Variants in TIMP3 observed in about 807,000 individuals in gnomAD.
TIMP3 encodes the protein TIMP metallopeptidase inhibitor 3, also known as metalloproteinase inhibitor 3.
A neutral mutation model predicts 30.0 loss-of-function variants in TIMP3; 11 were observed. The ratio of observed to expected loss-of-function variants is 0.37; its 90% CI spans 0.23 to 0.61. The LOEUF (loss-of-function observed/expected upper bound fraction) is 0.61, where lower values mean the gene tolerates loss of function less well. TIMP3 is among the 20% of genes least tolerant of loss of function. TIMP3 has a pLI of 0.70. For synonymous variants in TIMP3, 112 were observed against 111.3 expected, an observed-to-expected ratio of 1.01 and a Z score of -0.04; for missense variants, 181 against 276.8, an observed-to-expected ratio of 0.65 and a Z score of 2.45.
chr22:32,855,231 C>T (rs1049852754), intron 2 of TIMP3, among the ~76,000 whole-genome samples: 2 of 152,186 alleles, frequency 1.3e-5, no homozygotes, highest in African/African-American at 2.4e-5. Flanking sequence ...TTCACAGTAT[C>T]GCCTTGGCAC....
In TIMP3 at chr22:32,859,196, A is replaced by C; in HGVS notation, c.455A>C (p.Tyr152Ser). Residue 152 changes from tyrosine (Y) to serine (S), a missense_variant, in exon 5 of 5, where the codon TAC (tyrosine) becomes TCC (serine). Tyr to Ser is a moderately radical substitution (Grantham distance 144). Around this residue, in one of 3 missense-constraint regions of TIMP3, gnomAD observed 63 missense variants for 133.3 expected, o/e 0.47. Coordinates refer to ENST00000266085, the MANE Select transcript of TIMP3 (RefSeq NM_000362.5). ...TAATTGCAGATCAAGTCCTGCTACT[A>C]CCTGCCTTGCTTTGTGACTTCCAAG... ...GCNCKIKSCY[Y>S]LPCFVTSKNE... is the part of the protein sequence containing the mutation. The C allele has an allele frequency of 6.2e-7, 1 of 1,614,128 alleles. No individual in the cohort carries two copies. The highest frequency in any genetic ancestry group is 8.5e-7 in the Non-Finnish European group (1 of 1,180,016).
chr22:32,802,017 G>C lies in TIMP3; in HGVS notation c.16G>C (p.Gly6Arg). MTPWL[G>R]LIVLLGSWSL... Reference sequence around the variant, plus strand: ...AGCAGCGGCAATGACCCCTTGGCTCGGGCTCATCGTGCTCCTGGGCAGCTG... The same window carrying C: ...AGCAGCGGCAATGACCCCTTGGCTCCGGCTCATCGTGCTCCTGGGCAGCTG... The change falls in exon 1 of 5, where the codon GGG (glycine) becomes CGG (arginine). Residue 6 changes from glycine (G) to arginine (R), a missense_variant. Coordinates refer to ENST00000266085, the MANE Select transcript of TIMP3 (RefSeq NM_000362.5). 1 of 1,578,120 alleles carries C rather than the reference G, an allele frequency of 6.3e-7. No individual in the cohort carries two copies. The highest frequency in any genetic ancestry group is 8.6e-7 in the Non-Finnish European group (1 of 1,167,666).
chr22:32,823,332 A>G (rs1157673416), intron 1 of TIMP3, among the ~76,000 whole-genome samples: 1 of 152,172 alleles, frequency 6.6e-6, no homozygotes, highest in African/African-American at 2.4e-5. Flanking sequence ...GGGACCTGCC[A>G]CAGAGAATGC....
intron 2 of TIMP3, among the ~76,000 whole-genome samples, chr22:32,853,389 A>C (rs1302765401): frequency 6.6e-6 from 1 of 152,254 alleles, no homozygotes; most frequent in Non-Finnish European, 1.5e-5. Flanking sequence ...AACAGTGTTG[A>C]TCTTTGGTAG....
intron 1 of TIMP3, among the ~76,000 whole-genome samples, chr22:32,809,969 CCATGCCTGGGATA>C (rs2092644771): frequency 3.3e-5 from 5 of 152,208 alleles, no homozygotes; most frequent in Admixed American, 3.3e-4. Flanking sequence ...AGTGCTGCCA[CCATGCCTGGGATA>C]GACAGCAGGT....
In TIMP3 at chr22:32,859,250, C is replaced by T. The variant is rs1298381884; in HGVS notation, c.509C>T (p.Ser170Phe). The T allele has an allele frequency of 6.2e-7, 1 of 1,614,206 alleles. No homozygotes were observed. The highest frequency in any genetic ancestry group is 8.5e-7 in the Non-Finnish European group (1 of 1,180,038). ...KNECLWTDML[S>F]NFGYPGYQSK... ...GAGTGTCTCTGGACCGACATGCTCTCCAATTTCGGTTACCCTGGCTACCAG... is the reference window on the plus strand; with the variant it reads ...GAGTGTCTCTGGACCGACATGCTCTTCAATTTCGGTTACCCTGGCTACCAG... The change falls in exon 5 of 5, where the codon TCC becomes TTC. Residue 170 changes from serine (S) to phenylalanine (F), a missense_variant. Coordinates refer to ENST00000266085, the MANE Select transcript of TIMP3 (RefSeq NM_000362.5).
At chr22:32,821,122 G>A (rs960413731) in intron 1 of TIMP3, among the ~76,000 whole-genome samples, 2 of 152,130 alleles carry the variant, frequency 1.3e-5, no homozygotes, top group African/African-American at 4.8e-5. Context: ...AGACAGTGGA[G>A]GATGTCAAAA....
chr22:32,855,779 A>G (rs867980181), intron 2 of TIMP3, among the ~76,000 whole-genome samples: 6 of 152,174 alleles, frequency 3.9e-5, no homozygotes, highest in Admixed American at 1.3e-4. Context: ...ACATTGCCAC[A>G]TGTCCCAAAT....
chr22:32,822,287 A>T (rs1399027285), intron 1 of TIMP3, among the ~76,000 whole-genome samples: 1 of 151,880 alleles, frequency 6.6e-6, no homozygotes, highest in East Asian at 1.9e-4. Flanking sequence ...GTATGATCAC[A>T]TTTCCCCTGC....
At chr22:32,849,664 CCTG>C in intron 2 of TIMP3, 130 bp downstream of exon 2, 5 of 822,074 alleles carry the variant, frequency 6.1e-6, no homozygotes, top group Non-Finnish European at 1.0e-5. Context: ...AGCCCTTCTG[CCTG>C]CTGGAGAGGG....
intron 1 of TIMP3, among the ~76,000 whole-genome samples, chr22:32,819,364 G>A (rs1434320759): frequency 6.6e-6 from 1 of 152,228 alleles, no homozygotes; most frequent in African/African-American, 2.4e-5. Context: ...TCTCCTTCTC[G>A]AGGCCCAGCC....
intron 1 of TIMP3, among the ~76,000 whole-genome samples, chr22:32,822,731 G>T (rs978329962): frequency 2.0e-5 from 3 of 152,162 alleles, no homozygotes; most frequent in African/African-American, 4.8e-5. Flanking sequence ...AAAATCAGAA[G>T]TCAAAGGAGG....
At chr22:32,850,209 C>T (rs2048180632) in intron 2 of TIMP3, among the ~76,000 whole-genome samples, 1 of 151,594 alleles carries the variant, frequency 6.6e-6, no homozygotes, top group Non-Finnish European at 1.5e-5. Flanking sequence ...AGAAAAAGAA[C>T]ACCAGATTTG....
intron 3 of TIMP3, 150 bp from the exon 4 acceptor site, chr22:32,857,867 A>C: frequency 8.5e-7 from 1 of 1,179,342 alleles, no homozygotes; most frequent in East Asian, 2.4e-5. Context: ...CCATTTTAAA[A>C]GGTGTTGGGT....
rs2046592580 is a variant in TIMP3, at chr22:32,801,893, G to T, written c.-109G>T. 16 of 1,352,282 alleles carry T rather than the reference G, an allele frequency of 1.2e-5. No individual in the cohort carries two copies. The highest frequency in any genetic ancestry group is 1.5e-5 in the Non-Finnish European group (16 of 1,056,842). The allele number at this position is 1,352,282 out of a possible 1,614,324, so 83.8% of individuals were successfully genotyped here. On this transcript the variant is annotated 5_prime_UTR_variant, in exon 1 of 5. Transcript: ENST00000266085. This position sits in a 1 kb window ranked among gnomAD's most constrained non-coding sequence, Gnocchi z 4.7. The stretch of plus-strand genomic sequence containing the variant: ...GCGCGCCGGAGGCCAAGGTTGCCCC[G>T]CACGGCCCGGCGGGCGAGCGAGCTC...
intron 2 of TIMP3, among the ~76,000 whole-genome samples, chr22:32,853,293 GA>G (rs1439750088): frequency 2.0e-5 from 3 of 152,214 alleles, no homozygotes; most frequent in Non-Finnish European, 4.4e-5. Context: ...GCTGTATAGA[GA>G]AAGATCATGG....
chr22:32,815,059 G>T (rs1324084588), intron 1 of TIMP3, among the ~76,000 whole-genome samples: 1 of 152,128 alleles, frequency 6.6e-6, no homozygotes, highest in African/African-American at 2.4e-5. Flanking sequence ...TCTCAGTTTG[G>T]ACTAGTTGCG....
rs570874412 is a variant in TIMP3, at chr22:32,845,911, C to T, written c.122-3541C>T. Among the ~76,000 whole-genome samples, 5 of 152,288 alleles carry T rather than the reference C, an allele frequency of 3.3e-5. No homozygotes were observed. The South Asian group carries it at 1.0e-3, about 32-fold the overall frequency. On this transcript the variant is annotated intron_variant, in intron 1 of 4. Transcript: ENST00000266085. ...ACCCTGATTGCCAAACAGGAGAGTA[C>T]AAAATAGCACACATTTGAATTACAG...
In TIMP3 at chr22:32,853,901, G is replaced by C. The variant is rs73158355; in HGVS notation, c.205-3348G>C. ...AGTAACTTTCCAAGTGGCGAACACA[G>C]GTGGCAGAGAAGATTGAAGATTCAA... On this transcript the variant is annotated intron_variant, in intron 2 of 4. Coordinates refer to ENST00000266085, the MANE Select transcript of TIMP3 (RefSeq NM_000362.5). 5.2e-3 allele frequency among the ~76,000 whole-genome samples: 786 copies of C among 152,320 alleles called. 5 individuals carry two copies. Among genetic ancestry groups the C allele is most frequent in the Middle Eastern group, 0.017 (5 of 294 alleles).
Sources: gnomAD v4.1 joint callset for allele counts (sites outside exome capture counted in the v4.1 genomes callset) on GRCh38, gnomAD v4.1.1 for gene constraint, gnomAD v4.1.1 regional missense constraint, Gnocchi (gnomAD v3.1) non-coding constraint, MANE v1.5 for transcripts, NCBI Gene and HGNC (gene_info 2026-07-23, HGNC 2026-07-21) for gene names.